MPRIP: variants seen among roughly 807,000 people sequenced by gnomAD.
MPRIP encodes myosin phosphatase Rho-interacting protein.
Under a neutral mutation model 234.9 loss-of-function variants are expected in MPRIP, and 59 were observed. The observed-to-expected ratio is 0.25, with a 90% CI of 0.20 to 0.31. MPRIP has a LOEUF of 0.31. MPRIP is among the 10% of genes least tolerant of loss of function. MPRIP has a pLI of 1.00. For missense variants in MPRIP, 2,436 were observed against 3,071.0 expected, an observed-to-expected ratio of 0.79 and a Z score of 4.89; for synonymous variants, 1,144 against 1,263.9, an observed-to-expected ratio of 0.91 and a Z score of 2.01.
intron 21 of MPRIP, among the ~76,000 whole-genome samples, chr17:17,176,820 C>T (rs1043773068): frequency 6.6e-6 from 1 of 152,232 alleles, no homozygotes. Context: ...TCCATTTGAG[C>T]CGCCCCCTGG....
chr17:17,094,080 C>G (rs952648650), intron 3 of MPRIP, among the ~76,000 whole-genome samples: 3 of 152,162 alleles, frequency 2.0e-5, no homozygotes, highest in Non-Finnish European at 4.4e-5. Flanking sequence ...TCTCTTCCAC[C>G]TTCTCCCCCA....
chr17:17,134,077 C>A (rs1418277924), intron 5 of MPRIP, among the ~76,000 whole-genome samples: 1 of 152,222 alleles, frequency 6.6e-6, no homozygotes, highest in Non-Finnish European at 1.5e-5. Flanking sequence ...GTGAGCCCAG[C>A]CAGCACCACC....
Position 17,190,010 on chromosome 17 carries a change from C to G in MPRIP, c.*5116C>G, listed in dbSNP as rs2046555622. 6.6e-6 allele frequency: 1 copy of G among 152,228 alleles called. No individual in the cohort carries two copies. Among genetic ancestry groups the G allele is most frequent in the African/African-American group, 2.4e-5 (1 of 41,456 alleles). The allele number at this position is 152,228 out of a possible 1,614,324, so 9.4% of individuals were successfully genotyped here. A position where few individuals can be genotyped will look rare whatever the true frequency, so the allele number is the denominator to read the frequency against. On this transcript the variant is annotated 3_prime_UTR_variant, in exon 24 of 24. Transcript: ENST00000651222. ...CACTGTTTTCGCACCTTTCACCTTC[C>G]TGGGCTTTCCTGCCCTCCAGCATTC...
At position 17,166,897 on chromosome 17, in the gene MPRIP, A is replaced by G; in HGVS notation, c.5306A>G (p.Asp1769Gly). The G allele has an allele frequency of 7.7e-7, 1 of 1,304,098 alleles. No individual in the cohort carries two copies. 80.8% of individuals were successfully genotyped at this position (1,304,098 alleles called of 1,614,324 possible). A position where few individuals can be genotyped will look rare whatever the true frequency, so the allele number is the denominator to read the frequency against. Reference sequence around the variant, plus strand: ...TCTCAGGAGCCCTTCGATGTGTCTGACCAGAGCCCTGGGGCCTTTGTTGCT... The same window carrying G: ...TCTCAGGAGCCCTTCGATGTGTCTGGCCAGAGCCCTGGGGCCTTTGTTGCT... ...DSSQEPFDVSDQSPGAFVAIQ... is the reference protein window; with the variant it reads ...DSSQEPFDVSGQSPGAFVAIQ... Residue 1769 changes from aspartate to glycine, a missense_variant, in exon 16 of 24, where the codon GAC (aspartate) becomes GGC (glycine). Around this residue, in one of 4 missense-constraint regions of MPRIP, gnomAD observed 1,998 missense variants for 2,520.3 expected, o/e 0.79. Coordinates refer to ENST00000651222, the MANE Select transcript of MPRIP (RefSeq NM_001364716.4). This position sits in a 1 kb window ranked among gnomAD's most constrained non-coding sequence, Gnocchi z 4.4.
At chr17:17,055,046 TATCAAAAAAAAAAAA>T (rs2088651821) in intron 1 of MPRIP, among the ~76,000 whole-genome samples, 4 of 148,960 alleles carry the variant, frequency 2.7e-5, no homozygotes, top group Admixed American at 2.0e-4. Flanking sequence ...CGAGACCCTG[TATCAAAAAAAAAAAA>T]AAATTTCTTT....
chr17:17,117,112 A>G (rs1351955103), intron 3 of MPRIP, among the ~76,000 whole-genome samples: 1 of 152,182 alleles, frequency 6.6e-6, no homozygotes. Context: ...AAGACGGAAC[A>G]TGCCCGACAC....
chr17:17,142,749 C>T lies in MPRIP; in HGVS notation c.1373C>T (p.Ala458Val), dbSNP rs777364536. 64 of 1,612,294 alleles carry T rather than the reference C, an allele frequency of 4.0e-5. No individual in the cohort carries two copies. Among genetic ancestry groups the T allele is most frequent in the South Asian group, 1.9e-4 (17 of 91,016 alleles). ...DTRQGRSEKR[A>V]FPRKRDFTNE... Reference sequence around the variant, plus strand: ...CGCCAGGGCCGCAGCGAGAAGAGGGCGTTCCCTAGGAAGCGGGTGAGCTCC... The same window carrying T: ...CGCCAGGGCCGCAGCGAGAAGAGGGTGTTCCCTAGGAAGCGGGTGAGCTCC... Residue 458 changes from alanine to valine, a missense_variant, in exon 8 of 24, where the codon GCG becomes GTG. Ala to Val is a moderately conservative substitution (Grantham distance 64, BLOSUM62 0). This residue lies in a region of MPRIP where 267 missense variants were observed against 252.7 expected (regional missense o/e 1.06). Transcript: ENST00000651222.
At chr17:17,125,595 G>C (rs536090313) in intron 3 of MPRIP, among the ~76,000 whole-genome samples, 4 of 152,340 alleles carry the variant, frequency 2.6e-5, no homozygotes. Flanking sequence ...CACCTAACCT[G>C]TTTCTGAAAG....
chr17:17,164,155 G>C lies in MPRIP; in HGVS notation c.2564G>C (p.Arg855Thr). The C allele has an allele frequency of 7.7e-7, 1 of 1,304,266 alleles. No homozygotes were observed. The allele number at this position is 1,304,266 out of a possible 1,614,324, so 80.8% of individuals were successfully genotyped here. A position where few individuals can be genotyped will look rare whatever the true frequency, so the allele number is the denominator to read the frequency against. The change falls in exon 16 of 24, where the codon AGA becomes ACA. Residue 855 changes from arginine (R) to threonine (T), a missense_variant. Arg to Thr is a moderately conservative substitution (Grantham distance 71). Around this residue, in one of 4 missense-constraint regions of MPRIP, gnomAD observed 1,998 missense variants for 2,520.3 expected, o/e 0.79. Transcript: ENST00000651222. ...TCGGGTGCCTGGCAGAGGCTCCATA[G>C]AGTCAACCAAGACCTTCAAAGTGAG... is the stretch of plus-strand genomic sequence containing the variant. Reference protein sequence around the residue: ...SPSGAWQRLHRVNQDLQSELE... With the variant: ...SPSGAWQRLHTVNQDLQSELE...
intron 23 of MPRIP, 85 bp downstream of exon 23, chr17:17,180,173 T>C (rs1160167559): frequency 3.5e-6 from 4 of 1,135,532 alleles, no homozygotes; most frequent in African/African-American, 1.6e-5. Flanking sequence ...AGTGCTCCCA[T>C]GGGCCACAGC....
At chr17:17,118,917 C>G (rs1398789561) in intron 3 of MPRIP, among the ~76,000 whole-genome samples, 1 of 152,130 alleles carries the variant, frequency 6.6e-6, no homozygotes, top group African/African-American at 2.4e-5. Context: ...ACTTGATGGC[C>G]TTTGGGGTAG....
chr17:17,050,884 G>A (rs2088519004), intron 1 of MPRIP, among the ~76,000 whole-genome samples: 1 of 152,238 alleles, frequency 6.6e-6, no homozygotes, highest in South Asian at 2.1e-4. Context: ...GACGTGCAAT[G>A]TTCCAGTATT....
At chr17:17,099,533 C>G (rs1383801829) in intron 3 of MPRIP, among the ~76,000 whole-genome samples, 1 of 152,152 alleles carries the variant, frequency 6.6e-6, no homozygotes, top group Non-Finnish European at 1.5e-5. Flanking sequence ...CAAGACCAGC[C>G]TGGGCAACAT....
intron 1 of MPRIP, among the ~76,000 whole-genome samples, chr17:17,046,752 T>C (rs1459947279): frequency 6.6e-6 from 1 of 152,252 alleles, no homozygotes; most frequent in Non-Finnish European, 1.5e-5. Flanking sequence ...GGCCAAATAG[T>C]AAATATAATT....
chr17:17,158,383 C>CACACCAGAGCCGCCCCTGACAGGCT, intron 13 of MPRIP, 49 bp from the exon 14 acceptor site: 1 of 1,487,666 alleles, frequency 6.7e-7, no homozygotes, highest in Non-Finnish European at 9.0e-7. Flanking sequence ...CCTGGCAGGC[C>CACACCAGAGCCGCCCCTGACAGGCT]ACACCAGAGC....
chr17:17,135,180 CT>C (rs1408962406), intron 5 of MPRIP, among the ~76,000 whole-genome samples: 1 of 152,254 alleles, frequency 6.6e-6, no homozygotes, highest in Non-Finnish European at 1.5e-5. Context: ...GATCACAGCC[CT>C]GCTGTTGCCT....
intron 18 of MPRIP, among the ~76,000 whole-genome samples, chr17:17,173,102 T>C (rs1226987334): frequency 6.6e-6 from 1 of 152,246 alleles, no homozygotes; most frequent in Non-Finnish European, 1.5e-5. Context: ...ACTGCCCAGA[T>C]GTGTTCTTCG....
chr17:17,098,534 C>G (rs2089896585), intron 3 of MPRIP, among the ~76,000 whole-genome samples: 1 of 152,206 alleles, frequency 6.6e-6, no homozygotes, highest in African/African-American at 2.4e-5. Flanking sequence ...GTAGGGCTGC[C>G]TTTGTCGGGT....
chr17:17,053,784 C>G (rs151018319), intron 1 of MPRIP, among the ~76,000 whole-genome samples: 2 of 152,364 alleles, frequency 1.3e-5, no homozygotes, highest in Non-Finnish European at 2.9e-5. Flanking sequence ...AACAGATGCT[C>G]AGGCTGTCTC....
Sources: allele counts gnomAD v4.1 joint callset (sites outside exome capture counted in the v4.1 genomes callset), GRCh38; gene constraint gnomAD v4.1.1; regional missense constraint gnomAD v4.1.1; non-coding constraint Gnocchi (gnomAD v3.1); transcripts MANE v1.5; gene names NCBI Gene and HGNC (gene_info 2026-07-23, HGNC 2026-07-21).